ARB2A: variants seen among roughly 807,000 people sequenced by gnomAD.
ARB2A encodes cotranscriptional regulator ARB2A.
At chr5:94,073,653 T>G in the ARB2A span, among the ~76,000 whole-genome samples, 1 of 152,142 alleles carries the variant, frequency 6.6e-6, no homozygotes, top group Non-Finnish European at 1.5e-5. Context: ...AAACCCAGCA[T>G]GTCTATTTAG....
chr5:93,853,452 C>T, the ARB2A span, among the ~76,000 whole-genome samples: 3 of 152,054 alleles, frequency 2.0e-5, no homozygotes, highest in African/African-American at 7.2e-5. Context: ...CCTTTATTTC[C>T]TTCTCCTGCC....
At chr5:94,089,337 T>G in the ARB2A span, among the ~76,000 whole-genome samples, 1 of 152,322 alleles carries the variant, frequency 6.6e-6, no homozygotes, top group East Asian at 1.9e-4. Context: ...GCACTATCGC[T>G]TAGTCTAAGA....
chr5:93,662,792 T>C, the ARB2A span, among the ~76,000 whole-genome samples: 1 of 152,212 alleles, frequency 6.6e-6, no homozygotes, highest in Non-Finnish European at 1.5e-5. Flanking sequence ...CTTTTGAGTT[T>C]TACTCCATTG....
At chr5:93,819,736 C>A in the ARB2A span, among the ~76,000 whole-genome samples, 3 of 152,194 alleles carry the variant, frequency 2.0e-5, no homozygotes, top group African/African-American at 7.2e-5. Context: ...AAATCCAAAT[C>A]ATGCTCCAGG....
chr5:93,621,297 A>T, the ARB2A span, among the ~76,000 whole-genome samples: 119 of 145,076 alleles, frequency 8.2e-4, no homozygotes, highest in African/African-American at 3.1e-3. Context: ...CTCAGCCAGG[A>T]CCCCCGCCCC....
chr5:93,941,473 G>A, the ARB2A span, among the ~76,000 whole-genome samples: 52 of 152,116 alleles, frequency 3.4e-4, no homozygotes, highest in Middle Eastern at 6.8e-3. Context: ...TTTTATGTTC[G>A]CCTTCTATGC....
chr5:94,080,866 T>C, the ARB2A span, among the ~76,000 whole-genome samples: 1 of 152,276 alleles, frequency 6.6e-6, no homozygotes, highest in South Asian at 2.1e-4. Context: ...CCAAATTCTG[T>C]CTCAGCATCT....
the ARB2A span, among the ~76,000 whole-genome samples, chr5:93,975,554 A>G: frequency 6.6e-6 from 1 of 152,154 alleles, no homozygotes; most frequent in Non-Finnish European, 1.5e-5. Flanking sequence ...TGTTAGCTAG[A>G]TTAACAAAGA....
chr5:94,105,117 C>T, the ARB2A span, among the ~76,000 whole-genome samples: 1 of 151,994 alleles, frequency 6.6e-6, no homozygotes, highest in African/African-American at 2.4e-5. Flanking sequence ...CACAACTATT[C>T]AACATAGTAC....
At chr5:93,761,024 G>C in the ARB2A span, among the ~76,000 whole-genome samples, 1 of 152,162 alleles carries the variant, frequency 6.6e-6, no homozygotes, top group Non-Finnish European at 1.5e-5. Context: ...CTAATATCTA[G>C]AATCTACAAT....
chr5:93,649,981 C>T, the ARB2A span, among the ~76,000 whole-genome samples: 4 of 152,096 alleles, frequency 2.6e-5, no homozygotes, highest in African/African-American at 9.7e-5. Context: ...AGAGACTCAA[C>T]AACTCATCAT....
At chr5:93,749,423 GGAATT>G in the ARB2A span, among the ~76,000 whole-genome samples, 1 of 152,038 alleles carries the variant, frequency 6.6e-6, no homozygotes, top group South Asian at 2.1e-4. Context: ...TGTTGTCTGG[GGAATT>G]GATGTTATTC....
chr5:94,074,104 C>T, the ARB2A span, among the ~76,000 whole-genome samples: 1 of 152,098 alleles, frequency 6.6e-6, no homozygotes, highest in East Asian at 1.9e-4. Flanking sequence ...GTGCCCATAG[C>T]TATCTCACAA....
At chr5:93,875,278 G>A in the ARB2A span, among the ~76,000 whole-genome samples, 1 of 152,010 alleles carries the variant, frequency 6.6e-6, no homozygotes, top group African/African-American at 2.4e-5. Flanking sequence ...GTCGCCCAGG[G>A]TGGAGCACAG....
chr5:93,741,559 G>A, the ARB2A span: 2 of 1,548,958 alleles, frequency 1.3e-6, no homozygotes, highest in East Asian at 2.3e-5. Context: ...CCTGTGTCCG[G>A]CCATGGGTGG....
At chr5:93,661,195 C>T in the ARB2A span, among the ~76,000 whole-genome samples, 4 of 152,010 alleles carry the variant, frequency 2.6e-5, no homozygotes, top group African/African-American at 9.7e-5. Flanking sequence ...CACTGATGAG[C>T]TTTATGCTCG....
the ARB2A span, among the ~76,000 whole-genome samples, chr5:93,895,823 T>C: frequency 1.3e-5 from 2 of 152,052 alleles, no homozygotes; most frequent in African/African-American, 2.4e-5. Context: ...ATTTAAATCA[T>C]TCTATTAACA....
chr5:93,846,538 G>A, the ARB2A span, among the ~76,000 whole-genome samples: 1 of 151,714 alleles, frequency 6.6e-6, no homozygotes, highest in Non-Finnish European at 1.5e-5. Flanking sequence ...AACAACGACT[G>A]GAGAAATGCA....
chr5:93,934,266 CTTT>C, the ARB2A span, among the ~76,000 whole-genome samples: 9 of 152,102 alleles, frequency 5.9e-5, no homozygotes, highest in African/African-American at 1.4e-4. Context: ...ATAAATTCTT[CTTT>C]ATTTCAATGG....
Sources: allele counts gnomAD v4.1 joint callset (sites outside exome capture counted in the v4.1 genomes callset), GRCh38; gene constraint gnomAD v4.1.1; transcripts MANE v1.5; gene names NCBI Gene and HGNC (gene_info 2026-07-23, HGNC 2026-07-21).